FRYL: variants seen among roughly 807,000 people sequenced by gnomAD.
The protein encoded by FRYL is FRY like transcription coactivator.
Under a neutral mutation model 351.2 loss-of-function variants are expected in FRYL, and 150 were observed. That is an observed-to-expected ratio of 0.43 (90% confidence interval 0.37 to 0.49). The LOEUF is 0.49. Ranked by LOEUF, FRYL falls within the 20% of genes least tolerant of loss-of-function variation. The probability of loss-of-function intolerance (pLI) is 0.00; values close to 1 mark genes in which losing one functional copy is unlikely to be tolerated. For missense variants in FRYL, 3,036 were observed against 3,619.3 expected (o/e 0.84, Z 4.13); for synonymous variants, 1,153 against 1,257.1 (o/e 0.92, Z 1.75).
intron 2 of FRYL, among the ~76,000 whole-genome samples, chr4:48,703,002 G>GC (rs1442053962): frequency 6.6e-6 from 1 of 152,096 alleles, no homozygotes; most frequent in Non-Finnish European, 1.5e-5. Context: ...TCGGAGATGA[G>GC]CTAAGAAAAG....
chr4:48,711,557 C>A (rs1399875850), intron 1 of FRYL, among the ~76,000 whole-genome samples: 2 of 152,212 alleles, frequency 1.3e-5, no homozygotes, highest in Non-Finnish European at 2.9e-5. Context: ...AACAAAGCAG[C>A]CGGGAAGCTC....
chr4:48,733,191 C>T (rs1157433609), intron 1 of FRYL, among the ~76,000 whole-genome samples: 1 of 151,750 alleles, frequency 6.6e-6, no homozygotes, highest in Middle Eastern at 3.2e-3. Context: ...AGAAGAATTG[C>T]TTGTACTCGG....
At chr4:48,615,252 A>C (rs1749185700) in intron 7 of FRYL, among the ~76,000 whole-genome samples, 1 of 152,232 alleles carries the variant, frequency 6.6e-6, no homozygotes, top group Non-Finnish European at 1.5e-5. Flanking sequence ...TAAACATCAC[A>C]CATTAGCAGA....
chr4:48,506,951 A>G (rs1023010697), intron 59 of FRYL, among the ~76,000 whole-genome samples: 1 of 152,118 alleles, frequency 6.6e-6, no homozygotes, highest in African/African-American at 2.4e-5. Flanking sequence ...GATGGCAGCC[A>G]TTGTCAAAAG....
intron 19 of FRYL, 24 bp downstream of exon 19, chr4:48,586,597 T>C (rs1172804165): frequency 2.1e-6 from 3 of 1,458,964 alleles, no homozygotes; most frequent in African/African-American, 2.8e-5. Flanking sequence ...TAAAACAATA[T>C]AGCAAACAGT....
At chr4:48,635,107 G>A (rs2149374178) in intron 3 of FRYL, among the ~76,000 whole-genome samples, 1 of 152,264 alleles carries the variant, frequency 6.6e-6, no homozygotes, top group African/African-American at 2.4e-5. Context: ...AAGAAGCAGA[G>A]GTGGAAGGGG....
At chr4:48,723,966 A>ATAC (rs1769790138) in intron 1 of FRYL, among the ~76,000 whole-genome samples, 1 of 148,782 alleles carries the variant, frequency 6.7e-6, no homozygotes, top group South Asian at 2.1e-4. Flanking sequence ...AATAATAATA[A>ATAC]TAACAAAAAA....
chr4:48,713,542 A>G (rs1768366805), intron 1 of FRYL, among the ~76,000 whole-genome samples: 1 of 152,202 alleles, frequency 6.6e-6, no homozygotes, highest in Non-Finnish European at 1.5e-5. Flanking sequence ...ACATAACGGT[A>G]AAGGGATCAA....
intron 2 of FRYL, among the ~76,000 whole-genome samples, chr4:48,706,131 C>A (rs1767315231): frequency 6.6e-6 from 1 of 152,190 alleles, no homozygotes; most frequent in Non-Finnish European, 1.5e-5. Context: ...CTGCGCCTGG[C>A]CTCACCTCCC....
At chr4:48,553,114 A>T in intron 36 of FRYL, 101 bp downstream of exon 36, 1 of 781,824 alleles carries the variant, frequency 1.3e-6, no homozygotes, top group South Asian at 2.1e-5. Context: ...TGAGATTCAT[A>T]ACATGTTATG....
chr4:48,726,683 A>AAAACAAAC (rs536966578), intron 1 of FRYL, among the ~76,000 whole-genome samples: 1 of 152,132 alleles, frequency 6.6e-6, no homozygotes, highest in Non-Finnish European at 1.5e-5. Context: ...CTCCATCTCC[A>AAAACAAAC]AAACAAACAA....
chr4:48,599,671 T>C (rs750538201), intron 13 of FRYL, among the ~76,000 whole-genome samples: 2 of 152,204 alleles, frequency 1.3e-5, no homozygotes, highest in Non-Finnish European at 2.9e-5. Context: ...ACTATGTGAA[T>C]ATGGACACAA....
intron 19 of FRYL, among the ~76,000 whole-genome samples, chr4:48,586,229 A>T (rs1742080401): frequency 6.6e-6 from 1 of 152,186 alleles, no homozygotes; most frequent in African/African-American, 2.4e-5. Flanking sequence ...ATGAGACCTG[A>T]TTACCACTAG....
chr4:48,755,089 T>C (rs753822052), intron 1 of FRYL, among the ~76,000 whole-genome samples: 6 of 152,180 alleles, frequency 3.9e-5, no homozygotes, highest in Non-Finnish European at 7.4e-5. Context: ...AGACTATGAT[T>C]CTGTGAAGCC....
intron 52 of FRYL, 132 bp from the exon 53 acceptor site, chr4:48,527,785 G>T: frequency 9.6e-7 from 1 of 1,042,814 alleles, no homozygotes; most frequent in Non-Finnish European, 1.4e-6. Context: ...TGGTCTTCAT[G>T]TTTAACTAGT....
intron 33 of FRYL, 95 bp from the exon 34 acceptor site, chr4:48,557,807 C>A (rs1734450741): frequency 1.5e-6 from 2 of 1,354,346 alleles, no homozygotes; most frequent in South Asian, 2.7e-5. Context: ...AGATTTTATT[C>A]ATTTTACTCA....
chr4:48,766,257 G>A (rs1219607269), intron 1 of FRYL, among the ~76,000 whole-genome samples: 1 of 152,130 alleles, frequency 6.6e-6, no homozygotes, highest in Non-Finnish European at 1.5e-5. Context: ...TACACACGAT[G>A]GCTACAATCT....
chr4:48,578,893 A>T, intron 23 of FRYL, 80 bp downstream of exon 23: 1 of 1,247,154 alleles, frequency 8.0e-7, no homozygotes, highest in Non-Finnish European at 1.1e-6. Context: ...AATCTGTAAT[A>T]CTTTTGAATT....
At chr4:48,699,102 G>T (rs1766480292) in intron 2 of FRYL, among the ~76,000 whole-genome samples, 1 of 152,100 alleles carries the variant, frequency 6.6e-6, no homozygotes, top group African/African-American at 2.4e-5. Context: ...GCTAATAAAT[G>T]AACTGAAAAG....
Sources: allele counts gnomAD v4.1 joint callset (sites outside exome capture counted in the v4.1 genomes callset), GRCh38; gene constraint gnomAD v4.1.1; transcripts MANE v1.5; gene names NCBI Gene and HGNC (gene_info 2026-07-23, HGNC 2026-07-21).